COL27A1: variants seen among roughly 807,000 people sequenced by gnomAD.
COL27A1 encodes collagen alpha-1(XXVII) chain.
Under a neutral mutation model 251.3 loss-of-function variants are expected in COL27A1, and 106 were observed. The observed-to-expected ratio is 0.42, with a 90% CI of 0.36 to 0.50. COL27A1 has a LOEUF of 0.50. Ranked by LOEUF, COL27A1 falls within the 20% of genes least tolerant of loss-of-function variation. COL27A1 has a pLI of 0.00. For missense variants in COL27A1, 2,325 were observed against 2,522.8 expected (o/e 0.92, Z 1.68); for synonymous variants, 1,000 against 986.3 (o/e 1.01, Z -0.26).
At chr9:114,269,614 CAAAAAAAAA>C (rs552967033) in intron 35 of COL27A1, among the ~76,000 whole-genome samples, 2 of 69,222 alleles carry the variant, frequency 2.9e-5, no homozygotes, top group South Asian at 6.0e-4. Context: ...GACTCCATCT[CAAAAAAAAA>C]AAAAAAAAAA....
intron 7 of COL27A1, among the ~76,000 whole-genome samples, chr9:114,199,607 T>C (rs1380300783): frequency 6.6e-6 from 1 of 152,182 alleles, no homozygotes; most frequent in Non-Finnish European, 1.5e-5. Flanking sequence ...TAGAGAAGAA[T>C]AGCATCTTCT....
intron 3 of COL27A1, among the ~76,000 whole-genome samples, chr9:114,172,718 T>C (rs10739405): frequency 0.67 from 101,229 of 151,862 alleles, 33,987 homozygotes; most frequent in South Asian, 0.81. Flanking sequence ...CCCTTGAACC[T>C]GGGAAGTGGA....
chr9:114,159,486 G>A (rs1188883798), intron 1 of COL27A1, among the ~76,000 whole-genome samples: 1 of 152,160 alleles, frequency 6.6e-6, no homozygotes, highest in African/African-American at 2.4e-5. Flanking sequence ...GAAGAGAGGG[G>A]GCTGGAAGGA....
At chr9:114,221,204 C>G (rs76827402) in intron 13 of COL27A1, among the ~76,000 whole-genome samples, 2,199 of 152,028 alleles carry the variant, frequency 0.014, 49 homozygotes, top group African/African-American at 0.051. Flanking sequence ...CCAGGTGCCT[C>G]TTTGGAGAAG....
intron 56 of COL27A1, among the ~76,000 whole-genome samples, chr9:114,303,877 AG>A (rs1416010412): frequency 2.0e-5 from 3 of 152,240 alleles, no homozygotes; most frequent in Non-Finnish European, 2.9e-5. Context: ...GCATAGAGAA[AG>A]GGGGCCTCCC....
chr9:114,213,744 G>A lies in COL27A1; in HGVS notation c.2367+2718G>A, dbSNP rs150242143. On this transcript the variant is annotated intron_variant, in intron 12 of 60. Transcript: ENST00000356083. ...CCCAGTGAACCTTTAAGGCAAGATCGATTATCCCCATTTTCCAGATGAGAA... is the reference window on the plus strand; with the variant it reads ...CCCAGTGAACCTTTAAGGCAAGATCAATTATCCCCATTTTCCAGATGAGAA... Among the ~76,000 whole-genome samples the A allele has an allele frequency of 4.1e-3, 625 of 152,274 alleles. 8 individuals carry two copies. The highest frequency in any genetic ancestry group is 0.014 in the African/African-American group (593 of 41,542).
At chr9:114,266,665 TATCA>T (rs1343597942) in intron 33 of COL27A1, 47 bp downstream of exon 33, 1 of 1,521,930 alleles carries the variant, frequency 6.6e-7, no homozygotes, top group Non-Finnish European at 9.1e-7. Flanking sequence ...GCTGGGGATG[TATCA>T]GCCCTTCCCT....
chr9:114,240,998 G>A (rs894625506), intron 21 of COL27A1, among the ~76,000 whole-genome samples: 6 of 152,238 alleles, frequency 3.9e-5, no homozygotes, highest in African/African-American at 7.2e-5. Flanking sequence ...GAGTGGCCTT[G>A]CTGTCAACTC....
At chr9:114,309,532 C>A in intron 60 of COL27A1, 54 bp downstream of exon 60, 1 of 1,384,540 alleles carries the variant, frequency 7.2e-7, no homozygotes, top group Non-Finnish European at 1.0e-6. Context: ...TGGAAAAACA[C>A]TTGTTTGGAA....
chr9:114,188,815 A>G (rs546788190), intron 5 of COL27A1, among the ~76,000 whole-genome samples: 32 of 152,298 alleles, frequency 2.1e-4, no homozygotes, highest in Middle Eastern at 3.4e-3. Flanking sequence ...TTTTCACTTC[A>G]TTGATCATCT....
intron 3 of COL27A1, among the ~76,000 whole-genome samples, chr9:114,170,628 G>A (rs555175778): frequency 1.3e-5 from 2 of 152,348 alleles, no homozygotes; most frequent in South Asian, 2.1e-4. Flanking sequence ...TCTCCAAGAG[G>A]ACGGAGAGTC....
rs575160159 is a variant in COL27A1, at chr9:114,246,442, C to T, written c.2979+532C>T. On this transcript the variant is annotated intron_variant, in intron 24 of 60. Transcript: ENST00000356083. Reference sequence around the variant, plus strand: ...CATTAAAATGAAGGTTTGAGGATCACGACCTTCAATTAAAGTCCAGAGAAA... The same window carrying T: ...CATTAAAATGAAGGTTTGAGGATCATGACCTTCAATTAAAGTCCAGAGAAA... Among the ~76,000 whole-genome samples the T allele has an allele frequency of 2.0e-4, 31 of 152,312 alleles. 1 individual carries two copies. Among genetic ancestry groups the T allele is most frequent in the African/African-American group, 6.3e-4 (26 of 41,560 alleles).
At chr9:114,307,444 GTACT>G (rs1829135301) in intron 58 of COL27A1, 1 of 552,342 alleles carries the variant, frequency 1.8e-6, no homozygotes, top group African/African-American at 1.9e-5. Flanking sequence ...ACATAGGCAA[GTACT>G]TAGCCATGTG....
intron 7 of COL27A1, among the ~76,000 whole-genome samples, chr9:114,199,033 T>C (rs1351332239): frequency 6.6e-6 from 1 of 152,188 alleles, no homozygotes; most frequent in Non-Finnish European, 1.5e-5. Context: ...GAAGAAGGTC[T>C]TGCCAATCTG....
intron 3 of COL27A1, among the ~76,000 whole-genome samples, chr9:114,171,693 T>C (rs1311105971): frequency 6.6e-6 from 1 of 151,866 alleles, no homozygotes; most frequent in Non-Finnish European, 1.5e-5. Flanking sequence ...CTTAAACTCC[T>C]GGCCTCAAGT....
intron 10 of COL27A1, 78 bp from the exon 11 acceptor site, chr9:114,209,597 G>T: frequency 7.6e-7 from 1 of 1,310,740 alleles, no homozygotes; most frequent in African/African-American, 1.4e-5. Context: ...GGATGGCAGT[G>T]GTGGGTGGGC....
rs143145020 is a variant in COL27A1, at chr9:114,166,381, A to G, written c.134-1308A>G. 4.4e-3 allele frequency among the ~76,000 whole-genome samples: 404 copies of G among 92,106 alleles called. 1 individual carries two copies. Among genetic ancestry groups the G allele is most frequent in the South Asian group, 4.9e-3 (18 of 3,708 alleles). The allele number at this position is 92,106 out of a possible 152,430, so 60.4% of individuals were successfully genotyped here. Reference sequence around the variant, plus strand: ...TATCCATCCATCAATCCATCCATCCATCCATCCATCCATCCACCCACCCAC... The same window carrying G: ...TATCCATCCATCAATCCATCCATCCGTCCATCCATCCATCCACCCACCCAC... On this transcript the variant is annotated intron_variant, in intron 2 of 60. Coordinates refer to ENST00000356083, the MANE Select transcript of COL27A1 (RefSeq NM_032888.4).
chr9:114,240,539 C>T lies in COL27A1; in HGVS notation c.2835+52C>T, dbSNP rs956499275. ...CCCATCCTGGCCTGATTGCAGCCCC[C>T]AGCCTGCCCTGTCCTGGGTACTGAA... is the stretch of plus-strand genomic sequence containing the variant. On this transcript the variant is annotated intron_variant, in intron 21 of 60. Transcript: ENST00000356083. 11 of 1,546,292 alleles carry T rather than the reference C, an allele frequency of 7.1e-6. No homozygotes were observed. In the Admixed American group the frequency reaches 1.7e-4, roughly 24 times the overall value.
Position 114,290,776 on chromosome 9 carries a change from A to G in COL27A1, c.4369-34A>G, listed in dbSNP as rs1827858250. 1.3e-6 allele frequency: 2 copies of G among 1,486,038 alleles called. No homozygotes were observed. The highest frequency in any genetic ancestry group is 9.1e-7 in the Non-Finnish European group (1 of 1,100,766). The allele number at this position is 1,486,038 out of a possible 1,614,324, so 92.1% of individuals were successfully genotyped here. A position where few individuals can be genotyped will look rare whatever the true frequency, so the allele number is the denominator to read the frequency against. On this transcript the variant is annotated intron_variant, in intron 47 of 60. Transcript: ENST00000356083. This position sits in a 1 kb window ranked among gnomAD's most constrained non-coding sequence, Gnocchi z 4.6. ...TGCTTCCTTGGCTGTATCGTGAAAC[A>G]CAAGAGACCCTCCTCTGCCTGCTTT... is the stretch of plus-strand genomic sequence containing the variant.
Sources: gnomAD v4.1 joint callset for allele counts (sites outside exome capture counted in the v4.1 genomes callset) on GRCh38, gnomAD v4.1.1 for gene constraint, Gnocchi (gnomAD v3.1) non-coding constraint, MANE v1.5 for transcripts, NCBI Gene and HGNC (gene_info 2026-07-23, HGNC 2026-07-21) for gene names.